Variants in SMC1A observed in about 807,000 individuals in gnomAD.
The protein encoded by SMC1A is structural maintenance of chromosomes 1A, also known as structural maintenance of chromosomes protein 1A.
SMC1A carries 4 observed loss-of-function variants against 94.5 expected under a neutral mutation model. The observed-to-expected ratio is 0.04, with a 90% confidence interval of 0.02 to 0.10. The LOEUF (loss-of-function observed/expected upper bound fraction) is 0.10. Ranked by LOEUF, SMC1A falls within the 10% of genes least tolerant of loss-of-function variation. SMC1A has a pLI of 1.00. For missense variants in SMC1A, 304 were observed against 989.0 expected, an observed-to-expected ratio of 0.31 and a Z score of 9.29; for synonymous variants, 345 against 347.7, an observed-to-expected ratio of 0.99 and a Z score of 0.09.
intron 1 of SMC1A, among the ~76,000 whole-genome samples, chrX:53,420,521 CAA>C (rs781807659): frequency 6.0e-5 from 3 of 49,748 alleles, no homozygotes; most frequent in Non-Finnish European, 3.9e-5. Context: ...AAGACTGTCT[CAA>C]AAAAAAAAAA....
chrX:53,394,988 G>A (rs983458277), intron 18 of SMC1A, 100 bp from the exon 19 acceptor site: 3 of 544,708 alleles, frequency 5.5e-6, no homozygotes, highest in Non-Finnish European at 9.8e-6. Context: ...AAAGCACCTT[G>A]CTAGAAAGCA....
rs1280908265 is a variant in SMC1A, at chrX:53,415,666, C to CAA, written c.110-499_110-498dup. ...TGGGCGACAGAGCGAGACTCCATCTCAAAAAAAAAAAAAAAAAATTAGCTG... is the reference window on the plus strand; with the variant it reads ...TGGGCGACAGAGCGAGACTCCATCTCAAAAAAAAAAAAAAAAAAAATTAGCTG... On this transcript the variant is annotated intron_variant, in intron 1 of 24. Transcript: ENST00000322213. Among the ~76,000 whole-genome samples the CAA allele has an allele frequency of 5.6e-3, 361 of 64,193 alleles. 6 individuals carry two copies. The highest frequency in any genetic ancestry group is 0.02 in the African/African-American group (341 of 17,271). The allele number at this position is 64,193 out of a possible 115,157, so 55.7% of individuals were successfully genotyped here.
chrX:53,383,002 G>T, intron 20 of SMC1A, 95 bp downstream of exon 20: 2 of 876,914 alleles, frequency 2.3e-6, no homozygotes, highest in Non-Finnish European at 3.3e-6. Flanking sequence ...AAGAAAACAT[G>T]TCAGAACAGG....
At chrX:53,396,702 C>A in intron 16 of SMC1A, 85 bp from the exon 17 acceptor site, 1 of 1,040,915 alleles carries the variant, frequency 9.6e-7, no homozygotes, top group Non-Finnish European at 1.3e-6. Flanking sequence ...ACCCTTCCTA[C>A]TAGGCAGTTT....
intron 20 of SMC1A, 34 bp from the exon 21 acceptor site, chrX:53,382,694 C>T (rs782258343): frequency 2.5e-5 from 30 of 1,205,853 alleles, no homozygotes; most frequent in Non-Finnish European, 3.4e-5. Context: ...CCCCTCAGTG[C>T]CCTGGCAAGA....
rs782554846 is a variant in SMC1A at position 53,414,825 on chromosome X, T to G, written c.344A>C (p.His115Pro). 3.3e-6 allele frequency: 4 copies of G among 1,208,911 alleles called. No homozygotes were observed. The highest frequency in any genetic ancestry group is 4.5e-6 in the Non-Finnish European group (4 of 892,789). Reference sequence around the variant, plus strand: ...CTTCTCTAATTCCTCACTGTACTCATGTAGTTGGACCACTTTGTTGTTGAT... The same window carrying G: ...CTTCTCTAATTCCTCACTGTACTCAGGTAGTTGGACCACTTTGTTGTTGAT... ...YKINNKVVQL[H>P]EYSEELEKLG... The change falls in exon 3 of 25, where the codon CAT becomes CCT. Residue 115 changes from histidine (H) to proline (P), a missense_variant. Physicochemically the swap from His to Pro is moderately conservative, Grantham distance 77. This residue lies in a region of SMC1A where 120 missense variants were observed against 314.9 expected (regional missense o/e 0.38). Transcript: ENST00000322213.
intron 3 of SMC1A, among the ~76,000 whole-genome samples, chrX:53,413,798 C>T (rs2075722000): frequency 9.0e-6 from 1 of 111,194 alleles, no homozygotes; most frequent in Non-Finnish European, 1.9e-5. Context: ...AAAAGGTGGC[C>T]GGGCGCGGTG....
At position 53,414,584 on chromosome X, in the gene SMC1A, G is replaced by C. The variant is rs974341943; in HGVS notation, c.411+174C>G. Among the ~76,000 whole-genome samples the C allele has an allele frequency of 2.7e-5, 3 of 111,948 alleles. No homozygotes were observed. In the East Asian group the frequency reaches 8.4e-4, roughly 31 times the overall value. ...GGGAGGGGAAACAAAACAAATGTGT[G>C]TCCTCATAAGATGAACCTGGCTCAG... On this transcript the variant is annotated intron_variant, in intron 3 of 24. Coordinates refer to ENST00000322213, the MANE Select transcript of SMC1A (RefSeq NM_006306.4).
intron 1 of SMC1A, among the ~76,000 whole-genome samples, chrX:53,416,681 C>T (rs1486786993): frequency 2.8e-5 from 3 of 106,540 alleles, no homozygotes; most frequent in Non-Finnish European, 3.9e-5. Context: ...TGAGCCACCA[C>T]GCCTGGCCTG....
intron 19 of SMC1A, among the ~76,000 whole-genome samples, chrX:53,394,152 CAA>C (rs55878070): frequency 0.023 from 999 of 42,726 alleles, 20 homozygotes; most frequent in African/African-American, 0.081. Flanking sequence ...AACTCCGTCT[CAA>C]AAAAAAAAAA....
chrX:53,394,731 T>TGCCCCCCCCCCCCCCCCCCC, intron 19 of SMC1A, 47 bp downstream of exon 19: 8 of 416,217 alleles, frequency 1.9e-5, no homozygotes, highest in Middle Eastern at 6.9e-4. Context: ...ATAGTCCCAC[T>TGCCCCCCCCCCCCCCCCCCC]CCCACCCAAC....
chrX:53,379,781 C>A lies in SMC1A; in HGVS notation c.*322G>T. On this transcript the variant is annotated 3_prime_UTR_variant, in exon 25 of 25. Coordinates refer to ENST00000322213, the MANE Select transcript of SMC1A (RefSeq NM_006306.4). ...GATACATACATACACACATACATAC[C>A]CACACACACAGTGGGCAAGAGGCCC... 1 of 371,046 alleles carries A rather than the reference C, an allele frequency of 2.7e-6. No individual in the cohort carries two copies. Among genetic ancestry groups the A allele is most frequent in the Non-Finnish European group, 4.7e-6 (1 of 210,997 alleles). 30.6% of individuals were successfully genotyped at this position (371,046 alleles called of 1,213,427 possible). A position where few individuals can be genotyped will look rare whatever the true frequency, so the allele number is the denominator to read the frequency against.
At chrX:53,381,624 G>A in intron 22 of SMC1A, 1 of 139,634 alleles carries the variant, frequency 7.2e-6, no homozygotes, top group Non-Finnish European at 1.4e-5. Context: ...TGTATCCATC[G>A]CACCCATGCT....
Position 53,394,763 on chromosome X carries a change from GT to G in SMC1A, c.2973+14del. The G allele has an allele frequency of 2.5e-6, 1 of 406,391 alleles. No homozygotes were observed. Among genetic ancestry groups the G allele is most frequent in the Non-Finnish European group, 3.8e-6 (1 of 260,978 alleles). The allele number at this position is 406,391 out of a possible 1,213,427, so 33.5% of individuals were successfully genotyped here. On this transcript the variant is annotated intron_variant, in intron 19 of 24. Transcript: ENST00000322213. ...CAACCCCCACCCCCACCACACCCCT[GT>G]GGTTGATCCTCACCTTCAGATCCTC...
intron 15 of SMC1A, among the ~76,000 whole-genome samples, chrX:53,402,785 C>T (rs781923294): frequency 1.4e-4 from 13 of 92,025 alleles, no homozygotes; most frequent in Non-Finnish European, 2.5e-4. Flanking sequence ...TGCATGAACA[C>T]GGGAGCCCGG....
At chrX:53,382,110 G>T in intron 22 of SMC1A, 122 bp downstream of exon 22, 1 of 857,477 alleles carries the variant, frequency 1.2e-6, no homozygotes, top group East Asian at 3.1e-5. Context: ...AGTGAAACAG[G>T]GATGCAATCC....
chrX:53,413,152 G>A lies in SMC1A; in HGVS notation c.616-14C>T. On this transcript the variant is annotated splice_polypyrimidine_tract_variant and intron_variant, in intron 4 of 24. Transcript: ENST00000322213. Reference sequence around the variant, plus strand: ...GTACCGGTCAGCCTGTGCAAACAGGGGAATGGTGGCAGGGGTGCATCGATA... The same window carrying A: ...GTACCGGTCAGCCTGTGCAAACAGGAGAATGGTGGCAGGGGTGCATCGATA... 1.7e-6 allele frequency: 2 copies of A among 1,211,752 alleles called. No individual in the cohort carries two copies. The highest frequency in any genetic ancestry group is 2.2e-6 in the Non-Finnish European group (2 of 895,526).
chrX:53,394,731 T>TTGCCC, intron 19 of SMC1A, 47 bp downstream of exon 19: 1 of 416,228 alleles, frequency 2.4e-6, no homozygotes, highest in Non-Finnish European at 4.4e-6. Flanking sequence ...ATAGTCCCAC[T>TTGCCC]CCCACCCAAC....
chrX:53,384,727 C>T (rs2075597974), intron 19 of SMC1A, among the ~76,000 whole-genome samples: 1 of 111,176 alleles, frequency 9.0e-6, no homozygotes, highest in African/African-American at 3.3e-5. Context: ...AGGAAAATCA[C>T]TTGAGAATAG....
Sources: gnomAD v4.1 joint callset for allele counts (sites outside exome capture counted in the v4.1 genomes callset) on GRCh38, gnomAD v4.1.1 for gene constraint, gnomAD v4.1.1 regional missense constraint, MANE v1.5 for transcripts, NCBI Gene and HGNC (gene_info 2026-07-23, HGNC 2026-07-21) for gene names.